The following MYO3B variants were observed in gnomAD, a reference collection of about 807,000 sequenced individuals.
The protein encoded by MYO3B is myosin-IIIb.
A neutral mutation model predicts 174.6 loss-of-function variants in MYO3B; 156 were observed. That is an observed-to-expected ratio of 0.89 (90% CI 0.78 to 1.02). MYO3B has a LOEUF of 1.02. Ranked by LOEUF, MYO3B falls within the 50% of genes least tolerant of loss-of-function variation. MYO3B has a pLI of 0.00. For missense variants in MYO3B, 1,632 were observed against 1,639.4 expected (o/e 1.00, Z 0.08); for synonymous variants, 563 against 569.1 (o/e 0.99, Z 0.15).
intron 32 of MYO3B, among the ~76,000 whole-genome samples, chr2:170,587,949 C>T (rs1220474184): frequency 6.6e-6 from 1 of 152,118 alleles, no homozygotes; most frequent in African/African-American, 2.4e-5. Flanking sequence ...TGGATGAAAC[C>T]TCCCTATTCT....
chr2:170,330,104 C>T lies in MYO3B; in HGVS notation c.750-5281C>T, dbSNP rs141387425. Among the ~76,000 whole-genome samples the T allele has an allele frequency of 1.3e-3, 196 of 152,244 alleles. 6 individuals carry two copies. The East Asian group carries it at 0.036, about 28-fold the overall frequency. ...CCCCTTCTCCCCTAACACCCTCCTC[C>T]CCTAGTTAGCTGATTTATGTCCCAT... is the stretch of plus-strand genomic sequence containing the variant. On this transcript the variant is annotated intron_variant, in intron 7 of 34. Coordinates refer to ENST00000408978, the MANE Select transcript of MYO3B (RefSeq NM_138995.5).
intron 7 of MYO3B, among the ~76,000 whole-genome samples, chr2:170,308,830 G>T (rs1485062108): frequency 2.6e-5 from 4 of 152,078 alleles, no homozygotes; most frequent in African/African-American, 4.8e-5. Context: ...AAAAATGCCT[G>T]TTCCTTTAGA....
chr2:170,347,000 G>T (rs1479401480), intron 8 of MYO3B, among the ~76,000 whole-genome samples: 1 of 152,114 alleles, frequency 6.6e-6, no homozygotes, highest in African/African-American at 2.4e-5. Flanking sequence ...CAAGTTCTTT[G>T]TTATGTGAAA....
At chr2:170,641,594 T>C (rs1435449296) in intron 32 of MYO3B, 3 of 152,204 alleles carry the variant, frequency 2.0e-5, no homozygotes, top group Non-Finnish European at 4.4e-5. Context: ...TCATGATTCA[T>C]CCATAAAATG....
At chr2:170,624,296 T>G (rs1025521421) in intron 32 of MYO3B, among the ~76,000 whole-genome samples, 4 of 152,192 alleles carry the variant, frequency 2.6e-5, no homozygotes, top group African/African-American at 7.2e-5. Context: ...CACATCCCTT[T>G]TAAGTTGCAT....
At position 170,519,716 on chromosome 2, in the gene MYO3B, A is replaced by G. The variant is rs377131975; in HGVS notation, c.3575+176A>G. The G allele has an allele frequency of 2.8e-5, 15 of 543,430 alleles. No homozygotes were observed. The East Asian group carries it at 4.5e-4, about 16-fold the overall frequency. The allele number at this position is 543,430 out of a possible 1,614,324, so 33.7% of individuals were successfully genotyped here. A position where few individuals can be genotyped will look rare whatever the true frequency, so the allele number is the denominator to read the frequency against. Reference sequence around the variant, plus strand: ...GCTGGGCGTGGTGGCTCATGCCTGTAATCCCAGCACTTTGTGGGGGCCGAG... The same window carrying G: ...GCTGGGCGTGGTGGCTCATGCCTGTGATCCCAGCACTTTGTGGGGGCCGAG... On this transcript the variant is annotated intron_variant, in intron 30 of 34. Coordinates refer to ENST00000408978, the MANE Select transcript of MYO3B (RefSeq NM_138995.5).
chr2:170,490,264 G>A (rs1367442421), intron 25 of MYO3B, among the ~76,000 whole-genome samples: 1 of 151,956 alleles, frequency 6.6e-6, no homozygotes, highest in African/African-American at 2.4e-5. Flanking sequence ...TCCTGACCTC[G>A]TGATCCGCCC....
intron 23 of MYO3B, among the ~76,000 whole-genome samples, chr2:170,460,388 T>C (rs1439062437): frequency 6.9e-6 from 1 of 145,124 alleles, no homozygotes; most frequent in Non-Finnish European, 1.5e-5. Context: ...CTCAGGAGGC[T>C]GAGGCAGGAG....
chr2:170,420,639 C>T (rs560601944), intron 22 of MYO3B, among the ~76,000 whole-genome samples: 1 of 152,222 alleles, frequency 6.6e-6, no homozygotes, highest in Non-Finnish European at 1.5e-5. Flanking sequence ...CTTCATCAGT[C>T]TGCAGCTGGA....
chr2:170,358,653 T>A (rs1160389893), intron 8 of MYO3B, among the ~76,000 whole-genome samples: 2 of 152,176 alleles, frequency 1.3e-5, no homozygotes, highest in African/African-American at 4.8e-5. Flanking sequence ...TATTGAGTAG[T>A]TTTTGCTGAT....
At chr2:170,214,313 TTC>T in intron 3 of MYO3B, 64 bp from the exon 4 acceptor site, 2 of 1,368,490 alleles carry the variant, frequency 1.5e-6, no homozygotes, top group Admixed American at 1.9e-5. Flanking sequence ...TTTTCTTAAT[TTC>T]TTTTTCTTTT....
chr2:170,463,530 T>A (rs1427583436), intron 24 of MYO3B, 85 bp downstream of exon 24: 10 of 1,181,942 alleles, frequency 8.5e-6, no homozygotes, highest in Non-Finnish European at 1.1e-5. Context: ...ATGGAGTCAG[T>A]GAAACAAGGG....
At chr2:170,613,195 C>G (rs1351316160) in intron 32 of MYO3B, among the ~76,000 whole-genome samples, 1 of 152,314 alleles carries the variant, frequency 6.6e-6, no homozygotes. Flanking sequence ...TCAGCAATGA[C>G]TTTTCAGAAG....
chr2:170,395,747 G>A (rs555592730), intron 16 of MYO3B, among the ~76,000 whole-genome samples: 4 of 152,116 alleles, frequency 2.6e-5, no homozygotes, highest in South Asian at 4.2e-4. Flanking sequence ...AAAAACTGAC[G>A]AGATTTACAA....
chr2:170,612,746 G>A (rs75201991), intron 32 of MYO3B, among the ~76,000 whole-genome samples: 6,293 of 152,286 alleles, frequency 0.041, 428 homozygotes, highest in African/African-American at 0.14. Flanking sequence ...TGCAGGTATT[G>A]CATGGAGGAA....
chr2:170,365,485 T>C (rs1006554993), intron 8 of MYO3B, among the ~76,000 whole-genome samples: 2 of 152,196 alleles, frequency 1.3e-5, no homozygotes, highest in African/African-American at 4.8e-5. Flanking sequence ...GAGTAATAAA[T>C]GTTTGCTGAG....
intron 9 of MYO3B, among the ~76,000 whole-genome samples, chr2:170,373,147 A>G (rs2094261160): frequency 6.6e-6 from 1 of 152,170 alleles, no homozygotes; most frequent in Non-Finnish European, 1.5e-5. Flanking sequence ...ATGGCAGAAG[A>G]TATTAAAATA....
chr2:170,257,428 G>C (rs137863502), intron 7 of MYO3B, among the ~76,000 whole-genome samples: 1 of 152,134 alleles, frequency 6.6e-6, no homozygotes, highest in East Asian at 1.9e-4. Flanking sequence ...TCAATACCAA[G>C]AAGATCTCTC....
At chr2:170,523,971 C>T (rs1688837563) in intron 30 of MYO3B, among the ~76,000 whole-genome samples, 1 of 152,088 alleles carries the variant, frequency 6.6e-6, no homozygotes, top group Non-Finnish European at 1.5e-5. Context: ...CAAGGTCTGC[C>T]TCAAGAGTCC....
Sources: gnomAD v4.1 joint callset for allele counts (sites outside exome capture counted in the v4.1 genomes callset) on GRCh38, gnomAD v4.1.1 for gene constraint, MANE v1.5 for transcripts, NCBI Gene and HGNC (gene_info 2026-07-23, HGNC 2026-07-21) for gene names.